Variants in GPRC6A observed in about 807,000 individuals in gnomAD.
GPRC6A encodes the protein G protein-coupled receptor family C group 6 member A.
GPRC6A carries 54 observed loss-of-function variants against 47.0 expected under a neutral mutation model. That is an observed-to-expected ratio of 1.15 (90% CI 0.92 to 1.44). The LOEUF (loss-of-function observed/expected upper bound fraction) is 1.44, where lower values mean the gene tolerates loss of function less well. Ranked by LOEUF, GPRC6A falls within the 40% of genes most tolerant of loss-of-function variation. GPRC6A has a pLI of 0.00. For missense variants in GPRC6A, 1,112 were observed against 1,105.5 expected (o/e 1.01, Z -0.08); for synonymous variants, 347 against 377.1 (o/e 0.92, Z 0.93).
rs151151248 is a variant in GPRC6A, at chr6:116,792,451, T to C, written c.2472A>G (p.Gly824=). 1,183 of 1,613,892 alleles carry C rather than the reference T, an allele frequency of 7.3e-4. No individual in the cohort carries two copies. Among genetic ancestry groups the C allele is most frequent in the Non-Finnish European group, 8.9e-4 (1,053 of 1,179,814 alleles). Residue 824 remains glycine, a synonymous_variant, in exon 6 of 6, where the codon GGA becomes GGG. Coordinates refer to ENST00000310357, the MANE Select transcript of GPRC6A (RefSeq NM_148963.4). ...TGGGGATGAATGTGCAATACAGGATTCCATAGTTAGATATTAATATGACAA... is the reference window on the plus strand; with the variant it reads ...TGGGGATGAATGTGCAATACAGGATCCCATAGTTAGATATTAATATGACAA... ...EIIVILISNY[G]ILYCTFIPKC...
chr6:116,801,424 G>A (rs1425381750), intron 3 of GPRC6A, among the ~76,000 whole-genome samples: 2 of 152,082 alleles, frequency 1.3e-5, no homozygotes, highest in Non-Finnish European at 2.9e-5. Context: ...ACAATAGGCT[G>A]GAATGTAGGG....
intron 1 of GPRC6A, among the ~76,000 whole-genome samples, chr6:116,818,553 A>T (rs1221867203): frequency 1.5e-5 from 2 of 132,696 alleles, no homozygotes; most frequent in African/African-American, 5.3e-5. Flanking sequence ...AAAAAAAAAA[A>T]AAAAAAAAAA....
At position 116,792,978 on chromosome 6, in the gene GPRC6A, A is replaced by G; in HGVS notation, c.1945T>C (p.Phe649Leu). The G allele has an allele frequency of 6.2e-7, 1 of 1,614,106 alleles. No individual in the cohort carries two copies. The highest frequency in any genetic ancestry group is 1.1e-5 in the South Asian group (1 of 91,074). ...CHFLNFASTS[F>L]FIGEPQDFTC... ...AAGTCTTGTGGTTCTCCAATGAAAA[A>G]GCTCGTGCTGGCAAAATTGAGGAAA... is the stretch of plus-strand genomic sequence containing the variant. The change falls in exon 6 of 6, where the codon TTT (phenylalanine) becomes CTT (leucine). Residue 649 changes from phenylalanine (F) to leucine (L), a missense_variant. By Grantham distance (22) the Phe-to-Leu change is conservative (BLOSUM62 0). Coordinates refer to ENST00000310357, the MANE Select transcript of GPRC6A (RefSeq NM_148963.4).
chr6:116,803,959 T>G (rs1665947807), intron 3 of GPRC6A, among the ~76,000 whole-genome samples: 2 of 152,082 alleles, frequency 1.3e-5, no homozygotes, highest in Admixed American at 1.3e-4. Context: ...GACAGATAAT[T>G]CCTTTAGGGA....
At chr6:116,824,345 A>T (rs1314984858) in intron 1 of GPRC6A, among the ~76,000 whole-genome samples, 1 of 151,930 alleles carries the variant, frequency 6.6e-6, no homozygotes, top group East Asian at 1.9e-4. Flanking sequence ...ATAAATCATT[A>T]GCTAGATTAA....
At chr6:116,804,554 C>T (rs558540552) in intron 3 of GPRC6A, among the ~76,000 whole-genome samples, 140 of 152,142 alleles carry the variant, frequency 9.2e-4, no homozygotes, top group African/African-American at 3.1e-3. Flanking sequence ...GGCTCACTCA[C>T]GTCTTGATCA....
At chr6:116,797,909 G>A (rs981709630) in intron 4 of GPRC6A, among the ~76,000 whole-genome samples, 3 of 152,208 alleles carry the variant, frequency 2.0e-5, no homozygotes, top group Admixed American at 6.5e-5. Context: ...GTCTTTCAAG[G>A]AAGAAGTATC....
At chr6:116,805,097 G>A (rs1233783786) in intron 3 of GPRC6A, among the ~76,000 whole-genome samples, 5 of 151,932 alleles carry the variant, frequency 3.3e-5, no homozygotes, top group African/African-American at 7.2e-5. Context: ...CATCATTAAA[G>A]TTTTATACTA....
chr6:116,821,645 C>G (rs1218274655), intron 1 of GPRC6A, among the ~76,000 whole-genome samples: 1 of 152,034 alleles, frequency 6.6e-6, no homozygotes, highest in African/African-American at 2.4e-5. Flanking sequence ...GCTGGGAAAA[C>G]TGGCTAGCCA....
intron 5 of GPRC6A, among the ~76,000 whole-genome samples, chr6:116,794,662 A>C (rs911206421): frequency 6.6e-6 from 1 of 152,166 alleles, no homozygotes; most frequent in Non-Finnish European, 1.5e-5. Context: ...ATGTTGCCTG[A>C]AAAACTCCCT....
rs752732665 is a variant in GPRC6A at position 116,809,380 on chromosome 6, T to G, written c.432A>C (p.Ile144=). ...TAGTTATTTCTGAGTACCCAGAACC[T>G]ATGACAGCCTTAACTCTTGGCATGT... ...SSYMPRVKAV[I]GSGYSEITMA... The change falls in exon 2 of 6, where the codon ATA becomes ATC. Residue 144 remains isoleucine, a synonymous_variant. Coordinates refer to ENST00000310357, the MANE Select transcript of GPRC6A (RefSeq NM_148963.4). The G allele has an allele frequency of 6.2e-7, 1 of 1,613,558 alleles. No homozygotes were observed. Among genetic ancestry groups the G allele is most frequent in the South Asian group, 1.1e-5 (1 of 91,066 alleles).
At chr6:116,820,870 A>C (rs1282288526) in intron 1 of GPRC6A, among the ~76,000 whole-genome samples, 3 of 151,660 alleles carry the variant, frequency 2.0e-5, no homozygotes, top group African/African-American at 7.3e-5. Flanking sequence ...GCAATTAGGC[A>C]GGAGAAGGAA....
chr6:116,815,378 G>A (rs1276980558), intron 1 of GPRC6A, among the ~76,000 whole-genome samples: 2 of 152,200 alleles, frequency 1.3e-5, no homozygotes, highest in Admixed American at 6.5e-5. Flanking sequence ...AGCTACTTAG[G>A]AGGCTGAGGT....
chr6:116,819,672 C>T (rs1001494200), intron 1 of GPRC6A, among the ~76,000 whole-genome samples: 12 of 152,088 alleles, frequency 7.9e-5, no homozygotes, highest in African/African-American at 2.4e-4. Flanking sequence ...AGAACAAAGA[C>T]ACAACATACC....
At chr6:116,818,558 A>C (rs1562487056) in intron 1 of GPRC6A, among the ~76,000 whole-genome samples, 3 of 132,748 alleles carry the variant, frequency 2.3e-5, no homozygotes, top group South Asian at 2.4e-4. Flanking sequence ...AAAAAAAAAA[A>C]AAAAAAAAAA....
At chr6:116,794,140 A>C (rs562565402) in intron 5 of GPRC6A, among the ~76,000 whole-genome samples, 3 of 152,286 alleles carry the variant, frequency 2.0e-5, no homozygotes, top group Admixed American at 2.0e-4. Context: ...CTGCAATCAA[A>C]GGGCCTCTGT....
At chr6:116,813,950 A>C (rs1773118599) in intron 1 of GPRC6A, among the ~76,000 whole-genome samples, 1 of 152,242 alleles carries the variant, frequency 6.6e-6, no homozygotes, top group South Asian at 2.1e-4. Flanking sequence ...GAAGGATATG[A>C]ACAGACACTT....
chr6:116,813,056 G>A (rs1397307964), intron 1 of GPRC6A, among the ~76,000 whole-genome samples: 1 of 152,152 alleles, frequency 6.6e-6, no homozygotes, highest in African/African-American at 2.4e-5. Flanking sequence ...TACAAGGGAT[G>A]TGAAGGACCT....
chr6:116,819,976 A>T (rs1773398999), intron 1 of GPRC6A, among the ~76,000 whole-genome samples: 4 of 150,344 alleles, frequency 2.7e-5, no homozygotes, highest in African/African-American at 9.9e-5. Flanking sequence ...ACTAATAAAG[A>T]AAAAAAGAGA....
Sources: gnomAD v4.1 joint callset for allele counts (sites outside exome capture counted in the v4.1 genomes callset) on GRCh38, gnomAD v4.1.1 for gene constraint, MANE v1.5 for transcripts, NCBI Gene and HGNC (gene_info 2026-07-23, HGNC 2026-07-21) for gene names.